The following CNTNAP5 variants were observed in gnomAD, a reference collection of about 807,000 sequenced individuals.
CNTNAP5 encodes contactin associated protein family member 5, also known as contactin-associated protein-like 5.
A neutral mutation model predicts 150.2 loss-of-function variants in CNTNAP5; 72 were observed. The observed-to-expected ratio is 0.48, with a 90% CI of 0.40 to 0.58. The LOEUF (loss-of-function observed/expected upper bound fraction) is 0.58. Among genes scored for constraint, CNTNAP5 ranks in the 20% least tolerant of loss-of-function variants. CNTNAP5 has a pLI of 0.00. For synonymous variants in CNTNAP5, 672 were observed against 619.8 expected (o/e 1.08, Z -1.25); for missense variants, 1,636 against 1,626.2 (o/e 1.01, Z -0.10).
intron 3 of CNTNAP5, among the ~76,000 whole-genome samples, chr2:124,406,561 T>G (rs1242891567): frequency 6.6e-6 from 1 of 152,214 alleles, no homozygotes; most frequent in Non-Finnish European, 1.5e-5. Flanking sequence ...TCATTTGATT[T>G]TTAAATTGAT....
At chr2:124,204,693 G>A (rs1427342626) in intron 1 of CNTNAP5, among the ~76,000 whole-genome samples, 2 of 152,176 alleles carry the variant, frequency 1.3e-5, no homozygotes, top group African/African-American at 2.4e-5. Context: ...GAGAGCATGT[G>A]CAGGGGAATT....
At chr2:124,396,747 TA>T (rs1195237581) in intron 3 of CNTNAP5, among the ~76,000 whole-genome samples, 1 of 152,198 alleles carries the variant, frequency 6.6e-6, no homozygotes, top group Non-Finnish European at 1.5e-5. Flanking sequence ...TAATGTGAAC[TA>T]GGGCTTGAGA....
chr2:124,674,219 T>A (rs1410392233), intron 13 of CNTNAP5, among the ~76,000 whole-genome samples: 1 of 152,206 alleles, frequency 6.6e-6, no homozygotes, highest in Admixed American at 6.5e-5. Flanking sequence ...TCTGTTTCAT[T>A]TATTTGTGTG....
At chr2:124,119,082 C>A (rs534796398) in intron 1 of CNTNAP5, among the ~76,000 whole-genome samples, 1 of 152,264 alleles carries the variant, frequency 6.6e-6, no homozygotes, top group South Asian at 2.1e-4. Context: ...TTGCCTGGAA[C>A]ACTCTCACAA....
At chr2:124,287,290 A>G (rs1688179479) in intron 3 of CNTNAP5, among the ~76,000 whole-genome samples, 1 of 152,152 alleles carries the variant, frequency 6.6e-6, no homozygotes, top group African/African-American at 2.4e-5. Context: ...ACAGCATGCA[A>G]CCTGTAGATA....
chr2:124,504,720 T>C (rs916707913), intron 8 of CNTNAP5, among the ~76,000 whole-genome samples, 164 bp downstream of exon 8: 1 of 149,266 alleles, frequency 6.7e-6, no homozygotes, highest in African/African-American at 2.5e-5. Context: ...TTTTTTTTTT[T>C]TTTTTTGAAG....
chr2:124,414,676 C>T (rs545578594), intron 3 of CNTNAP5, among the ~76,000 whole-genome samples: 5 of 151,968 alleles, frequency 3.3e-5, no homozygotes, highest in Admixed American at 6.6e-5. Flanking sequence ...CTGGAGCATG[C>T]GATCAAATTT....
intron 3 of CNTNAP5, among the ~76,000 whole-genome samples, chr2:124,340,911 C>CAT (rs145485840): frequency 0.17 from 24,804 of 145,512 alleles, 2,553 homozygotes; most frequent in Middle Eastern, 0.26. Flanking sequence ...GACACACACA[C>CAT]ATATATATAT....
chr2:124,243,681 G>C lies in CNTNAP5; in HGVS notation c.381+1288G>C, dbSNP rs117452634. Among the ~76,000 whole-genome samples the C allele has an allele frequency of 9.0e-3, 1,371 of 152,210 alleles. 13 individuals carry two copies. The highest frequency in any genetic ancestry group is 0.031 in the East Asian group (160 of 5,162). On this transcript the variant is annotated intron_variant, in intron 3 of 23. Transcript: ENST00000682447. ...TGAAGGGAGAGGTTGGGAGGACGGC[G>C]AGAGTCCAAAATCTACCTATTGGGT...
chr2:124,787,305 G>A (rs189626719), intron 17 of CNTNAP5, among the ~76,000 whole-genome samples: 9 of 152,184 alleles, frequency 5.9e-5, no homozygotes, highest in Admixed American at 4.6e-4. Flanking sequence ...ACACTCTCTA[G>A]GAAAGAAATA....
At chr2:124,754,982 A>C (rs935761757) in intron 14 of CNTNAP5, among the ~76,000 whole-genome samples, 1 of 152,184 alleles carries the variant, frequency 6.6e-6, no homozygotes, top group African/African-American at 2.4e-5. Flanking sequence ...ACAGGTTGAA[A>C]ATTCAAAACC....
intron 13 of CNTNAP5, among the ~76,000 whole-genome samples, chr2:124,652,617 T>G (rs188032065): frequency 1.3e-5 from 2 of 152,272 alleles, no homozygotes; most frequent in African/African-American, 4.8e-5. Flanking sequence ...AACTTTCCCC[T>G]GGAAGGAGGA....
chr2:124,340,820 T>A (rs914570188), intron 3 of CNTNAP5, among the ~76,000 whole-genome samples: 17 of 148,172 alleles, frequency 1.1e-4, no homozygotes. Context: ...TATATATATA[T>A]ATATATATGC....
intron 10 of CNTNAP5, among the ~76,000 whole-genome samples, chr2:124,532,511 A>C (rs1180472424): frequency 6.6e-6 from 1 of 152,150 alleles, no homozygotes; most frequent in African/African-American, 2.4e-5. Flanking sequence ...GCTGTCCAAG[A>C]GTATCAACAG....
chr2:124,398,328 C>T (rs1261787489), intron 3 of CNTNAP5, among the ~76,000 whole-genome samples: 1 of 152,048 alleles, frequency 6.6e-6, no homozygotes, highest in African/African-American at 2.4e-5. Context: ...AAAAACAGAG[C>T]TGAGAATATG....
At chr2:124,093,149 G>C (rs1275687676) in intron 1 of CNTNAP5, among the ~76,000 whole-genome samples, 1 of 152,200 alleles carries the variant, frequency 6.6e-6, no homozygotes, top group Non-Finnish European at 1.5e-5. Context: ...TACATATCAG[G>C]CTGCACTGTT....
At chr2:124,823,644 G>T (rs1402640576) in intron 19 of CNTNAP5, among the ~76,000 whole-genome samples, 1 of 152,144 alleles carries the variant, frequency 6.6e-6, no homozygotes, top group East Asian at 1.9e-4. Context: ...TGTACAGGCA[G>T]ACCTATGGAT....
intron 3 of CNTNAP5, among the ~76,000 whole-genome samples, chr2:124,345,962 CA>C (rs1260760634): frequency 6.6e-6 from 1 of 152,164 alleles, no homozygotes; most frequent in East Asian, 1.9e-4. Context: ...AGACAAGTTA[CA>C]AACATGTGAA....
intron 9 of CNTNAP5, among the ~76,000 whole-genome samples, chr2:124,524,980 A>G (rs1276965144): frequency 6.6e-6 from 1 of 152,152 alleles, no homozygotes; most frequent in Non-Finnish European, 1.5e-5. Flanking sequence ...TAGGAGGCCC[A>G]TGAATTTGTA....
Sources: gnomAD v4.1 joint callset for allele counts (sites outside exome capture counted in the v4.1 genomes callset) on GRCh38, gnomAD v4.1.1 for gene constraint, MANE v1.5 for transcripts, NCBI Gene and HGNC (gene_info 2026-07-23, HGNC 2026-07-21) for gene names.